RNGTT: variants seen among roughly 807,000 people sequenced by gnomAD.
RNGTT encodes the protein mRNA-capping enzyme.
RNGTT carries 33 observed loss-of-function variants against 79.3 expected under a neutral mutation model. The ratio of observed to expected loss-of-function variants is 0.42; its 90% confidence interval spans 0.32 to 0.56. The LOEUF (loss-of-function observed/expected upper bound fraction) is 0.56, where lower values mean the gene tolerates loss of function less well. Ranked by LOEUF, RNGTT falls within the 20% of genes least tolerant of loss-of-function variation. The pLI, the probability that RNGTT is intolerant of heterozygous loss-of-function variation, is 0.17. For synonymous variants in RNGTT, 222 were observed against 235.9 expected, an observed-to-expected ratio of 0.94 and a Z score of 0.54; for missense variants, 497 against 739.1, an observed-to-expected ratio of 0.67 and a Z score of 3.80.
intron 11 of RNGTT, among the ~76,000 whole-genome samples, chr6:88,842,634 A>G (rs535633624): frequency 6.6e-6 from 1 of 152,336 alleles, no homozygotes; most frequent in East Asian, 1.9e-4. Flanking sequence ...AAGAGTAAAA[A>G]TAGAGCATCT....
In RNGTT at chr6:88,679,580, TA is replaced by T; in HGVS notation, c.1440-1162del. 1.3e-5 allele frequency among the ~76,000 whole-genome samples: 2 copies of T among 152,212 alleles called. 1 individual carries two copies. The highest frequency in any genetic ancestry group is 4.1e-4 in the South Asian group (2 of 4,826). ...AATCAAACCAAATAGAGGTCTAATA[TA>T]AAAAAATGGTAATGGTTATGGTCTC... On this transcript the variant is annotated intron_variant, in intron 13 of 15. Transcript: ENST00000369485.
At chr6:88,946,319 TTAA>T (rs1441986552) in intron 1 of RNGTT, among the ~76,000 whole-genome samples, 6 of 152,186 alleles carry the variant, frequency 3.9e-5, no homozygotes, top group Non-Finnish European at 8.8e-5. Context: ...GATGGCAAAC[TTAA>T]TAAATAAATG....
chr6:88,873,527 A>T (rs533198279), intron 8 of RNGTT, among the ~76,000 whole-genome samples: 41 of 152,228 alleles, frequency 2.7e-4, no homozygotes, highest in Non-Finnish European at 5.0e-4. Flanking sequence ...CACTTAAAAA[A>T]TTGTGGAATG....
rs1448002362 is a variant in RNGTT at position 88,678,368 on chromosome 6, G to C, written c.1491C>G (p.Pro497=). 1.9e-6 allele frequency: 3 copies of C among 1,562,496 alleles called. No homozygotes were observed. Among genetic ancestry groups the C allele is most frequent in the South Asian group, 1.2e-5 (1 of 81,790 alleles). The change falls in exon 14 of 16, where the codon CCC becomes CCG. Residue 497 remains proline (P), a synonymous_variant. Coordinates refer to ENST00000369485, the MANE Select transcript of RNGTT (RefSeq NM_003800.5). ...GLLYVGGYER[P]FAQIKVTKEL... The stretch of plus-strand genomic sequence containing the variant: ...ACAAACATACCTTGATTTGTGCAAA[G>C]GGTCTTTCATAACCTCCAACATACA...
intron 14 of RNGTT, among the ~76,000 whole-genome samples, chr6:88,632,536 G>GACACACAC (rs1300944817): frequency 4.2e-4 from 41 of 98,478 alleles, no homozygotes; most frequent in African/African-American, 1.1e-3. Context: ...CAGACACACA[G>GACACACAC]ACACACAGAC....
intron 8 of RNGTT, among the ~76,000 whole-genome samples, chr6:88,861,333 C>T (rs1276291578): frequency 6.6e-6 from 1 of 152,142 alleles, no homozygotes; most frequent in African/African-American, 2.4e-5. Context: ...CCCCTACTCA[C>T]CAACACCTGT....
chr6:88,648,477 A>C (rs1452594555), intron 14 of RNGTT, among the ~76,000 whole-genome samples: 2 of 146,502 alleles, frequency 1.4e-5, no homozygotes, highest in Admixed American at 1.3e-4. Context: ...GTATTATAAT[A>C]ATAATAATAA....
Position 88,844,361 on chromosome 6 carries a change from C to T in RNGTT, c.1265G>A (p.Arg422Lys). ...NKPFFDICTS[R>K]KLLEGNFAKE... ...TAAAAAAAAATTAAACTTTACCTTTCTTGAAGTACAGATGTCAAAAAACGG... is the reference window on the plus strand; with the variant it reads ...TAAAAAAAAATTAAACTTTACCTTTTTTGAAGTACAGATGTCAAAAAACGG... Residue 422 changes from arginine (R) to lysine (K), a missense_variant, in exon 11 of 16, where the codon AGA (arginine) becomes AAA (lysine). Physicochemically the swap from Arg to Lys is conservative, Grantham distance 26. Coordinates refer to ENST00000369485, the MANE Select transcript of RNGTT (RefSeq NM_003800.5). The T allele has an allele frequency of 6.2e-7, 1 of 1,609,468 alleles. No homozygotes were observed. Among genetic ancestry groups the T allele is most frequent in the South Asian group, 1.1e-5 (1 of 89,906 alleles).
intron 4 of RNGTT, among the ~76,000 whole-genome samples, chr6:88,914,442 C>A (rs573004982): frequency 6.6e-6 from 1 of 151,988 alleles, no homozygotes; most frequent in African/African-American, 2.4e-5. Context: ...AAAAAAGACA[C>A]ACAGACAAAT....
intron 12 of RNGTT, among the ~76,000 whole-genome samples, chr6:88,777,638 T>G (rs1016810823): frequency 2.0e-5 from 3 of 152,248 alleles, no homozygotes; most frequent in African/African-American, 7.2e-5. Context: ...GAAATGTAAC[T>G]GATTTCTGTA....
chr6:88,928,768 T>C (rs960252248), intron 4 of RNGTT, among the ~76,000 whole-genome samples: 1 of 152,198 alleles, frequency 6.6e-6, no homozygotes, highest in Non-Finnish European at 1.5e-5. Flanking sequence ...ACAGGACACC[T>C]GAAGAGAGGA....
At chr6:88,703,743 A>T (rs1776021657) in intron 13 of RNGTT, among the ~76,000 whole-genome samples, 1 of 152,222 alleles carries the variant, frequency 6.6e-6, no homozygotes, top group African/African-American at 2.4e-5. Context: ...GTAATGCCAC[A>T]ATTCTTTCCA....
chr6:88,926,510 A>C (rs1389565185), intron 4 of RNGTT, among the ~76,000 whole-genome samples: 5 of 152,232 alleles, frequency 3.3e-5, no homozygotes, highest in African/African-American at 1.2e-4. Context: ...ATTAATGTGG[A>C]AACAAGTAAC....
chr6:88,663,558 T>C (rs1309591248), intron 14 of RNGTT, among the ~76,000 whole-genome samples: 5 of 152,270 alleles, frequency 3.3e-5, no homozygotes, highest in African/African-American at 1.2e-4. Flanking sequence ...AGTCAGCTCC[T>C]ACGGTTCTGT....
chr6:88,812,472 C>T (rs1426269961), intron 11 of RNGTT, among the ~76,000 whole-genome samples: 1 of 152,190 alleles, frequency 6.6e-6, no homozygotes, highest in African/African-American at 2.4e-5. Flanking sequence ...ATAATTTAGG[C>T]ATCATTCACT....
chr6:88,641,114 G>A (rs925195302), intron 14 of RNGTT, among the ~76,000 whole-genome samples: 1 of 152,136 alleles, frequency 6.6e-6, no homozygotes, highest in Admixed American at 6.5e-5. Flanking sequence ...GCCAAGGCGG[G>A]TGGATCACAA....
At chr6:88,818,941 A>G (rs2127878209) in intron 11 of RNGTT, among the ~76,000 whole-genome samples, 1 of 152,352 alleles carries the variant, frequency 6.6e-6, no homozygotes, top group African/African-American at 2.4e-5. Context: ...TCTGTTAAAC[A>G]TATTTGTTTG....
intron 13 of RNGTT, among the ~76,000 whole-genome samples, chr6:88,708,029 C>A (rs1776197396): frequency 6.6e-6 from 1 of 151,978 alleles, no homozygotes; most frequent in South Asian, 2.1e-4. Context: ...GAGAAGAATT[C>A]ATCTGCCAGT....
At chr6:88,862,018 T>A (rs927770651) in intron 8 of RNGTT, among the ~76,000 whole-genome samples, 6 of 152,170 alleles carry the variant, frequency 3.9e-5, no homozygotes, top group South Asian at 2.1e-4. Context: ...CAATCTAAAC[T>A]TAATGAATCT....
Sources: allele counts gnomAD v4.1 joint callset (sites outside exome capture counted in the v4.1 genomes callset), GRCh38; gene constraint gnomAD v4.1.1; transcripts MANE v1.5; gene names NCBI Gene and HGNC (gene_info 2026-07-23, HGNC 2026-07-21).